MSI2: variants seen among roughly 807,000 people sequenced by gnomAD.
MSI2 encodes the protein musashi RNA binding protein 2.
In MSI2, 17 loss-of-function variants were observed where a neutral mutation model predicts 45.6. The observed-to-expected ratio is 0.37, with a 90% CI of 0.26 to 0.56. The LOEUF (loss-of-function observed/expected upper bound fraction) is 0.56. MSI2 is among the 20% of genes least tolerant of loss of function. The probability of loss-of-function intolerance (pLI) is 0.77; values close to 1 mark genes in which losing one functional copy is unlikely to be tolerated. For synonymous variants in MSI2, 156 were observed against 158.2 expected, an observed-to-expected ratio of 0.99 and a Z score of 0.11; for missense variants, 293 against 444.2, an observed-to-expected ratio of 0.66 and a Z score of 3.06.
At chr17:57,292,742 G>A (rs1160257387) in intron 5 of MSI2, among the ~76,000 whole-genome samples, 1 of 152,278 alleles carries the variant, frequency 6.6e-6, no homozygotes, top group Admixed American at 6.5e-5. Context: ...AAAGTGTTAG[G>A]AGGGAAAGGA....
chr17:57,370,810 A>G (rs1443583834), intron 5 of MSI2, among the ~76,000 whole-genome samples: 3 of 152,212 alleles, frequency 2.0e-5, no homozygotes, highest in Non-Finnish European at 2.9e-5. Flanking sequence ...GAGGGTCAGG[A>G]TGCACAGATC....
intron 11 of MSI2, among the ~76,000 whole-genome samples, chr17:57,674,133 T>C (rs1913036066): frequency 6.6e-6 from 1 of 150,584 alleles, no homozygotes; most frequent in African/African-American, 2.4e-5. Flanking sequence ...AAGGAAACTC[T>C]CTGCCGCCAT....
intron 6 of MSI2, among the ~76,000 whole-genome samples, chr17:57,414,873 A>G (rs757787213): frequency 6.6e-6 from 1 of 152,190 alleles, no homozygotes; most frequent in Non-Finnish European, 1.5e-5. Flanking sequence ...CTGGTCAGTA[A>G]TGCCCTTTTC....
chr17:57,648,168 TGTGTG>T (rs1910840289), intron 10 of MSI2, among the ~76,000 whole-genome samples: 2 of 149,896 alleles, frequency 1.3e-5, no homozygotes, highest in African/African-American at 5.0e-5. Context: ...TGTGTGTGTG[TGTGTG>T]TGTGTGTGTT....
chr17:57,337,679 T>C (rs2143768516), intron 5 of MSI2, among the ~76,000 whole-genome samples: 1 of 152,312 alleles, frequency 6.6e-6, no homozygotes, highest in East Asian at 1.9e-4. Flanking sequence ...CTTCTTCACA[T>C]CATGAATTGG....
At chr17:57,274,020 C>T (rs1908638298) in intron 5 of MSI2, among the ~76,000 whole-genome samples, 2 of 152,192 alleles carry the variant, frequency 1.3e-5, no homozygotes, top group African/African-American at 2.4e-5. Flanking sequence ...GAGACCTGCT[C>T]CTGGGGCCTT....
intron 8 of MSI2, among the ~76,000 whole-genome samples, chr17:57,599,601 G>C (rs1331331640): frequency 6.6e-6 from 1 of 152,208 alleles, no homozygotes; most frequent in Non-Finnish European, 1.5e-5. Context: ...GTTTGCCTTT[G>C]AATCTGGGGC....
chr17:57,377,688 A>T (rs538959163), intron 5 of MSI2, among the ~76,000 whole-genome samples: 8 of 149,064 alleles, frequency 5.4e-5, no homozygotes, highest in African/African-American at 7.4e-5. Context: ...TCATTACTTT[A>T]AAAAAAAAAG....
rs57142800 is a variant in MSI2, at chr17:57,502,602, GATATATATATATATAT to G, written c.406-27054_406-27039del. ...CAGGGAATGGAGAAGATGACTCTGA[GATATATATATATATAT>G]ATATATATATATATATATAGTCATC... On this transcript the variant is annotated intron_variant, in intron 6 of 13. Transcript: ENST00000284073. Among the ~76,000 whole-genome samples the G allele has an allele frequency of 5.2e-3, 283 of 54,422 alleles. 16 individuals carry two copies. Among genetic ancestry groups the G allele is most frequent in the African/African-American group, 0.014 (249 of 17,390 alleles). 35.7% of individuals were successfully genotyped at this position (54,422 alleles called of 152,430 possible).
chr17:57,604,840 C>T (rs11653409), intron 8 of MSI2, among the ~76,000 whole-genome samples: 33,283 of 151,080 alleles, frequency 0.22, 3,723 homozygotes, highest in South Asian at 0.34. Context: ...GCTTCTGGGC[C>T]CTGCCACCTG....
In MSI2 at chr17:57,438,202, A is replaced by C. The variant is rs537459310; in HGVS notation, c.405+36731A>C. Among the ~76,000 whole-genome samples, 20 of 152,216 alleles carry C rather than the reference A, an allele frequency of 1.3e-4. No homozygotes were observed. The South Asian group carries it at 3.9e-3, about 30-fold the overall frequency. On this transcript the variant is annotated intron_variant, in intron 6 of 13. Transcript: ENST00000284073. ...TGGCTGGGGACGTGCCCAGAGGAGT[A>C]GGGTGTGCGGAAGGCAGGATGGGGT...
intron 7 of MSI2, among the ~76,000 whole-genome samples, chr17:57,574,063 C>T (rs1467055002): frequency 6.6e-6 from 1 of 152,044 alleles, no homozygotes; most frequent in Non-Finnish European, 1.5e-5. Context: ...GTAGCTCTAC[C>T]CCTCCCTCCC....
chr17:57,293,622 T>C (rs1910663576), intron 5 of MSI2, among the ~76,000 whole-genome samples: 1 of 151,520 alleles, frequency 6.6e-6, no homozygotes, highest in South Asian at 2.1e-4. Flanking sequence ...TTTTTGTTTT[T>C]TTTGAGATGG....
chr17:57,444,119 G>A lies in MSI2; in HGVS notation c.405+42648G>A, dbSNP rs573856981. On this transcript the variant is annotated intron_variant, in intron 6 of 13. Coordinates refer to ENST00000284073, the MANE Select transcript of MSI2 (RefSeq NM_138962.4). ...CCAAACCCTTTTTTAGAAAGGACTC[G>A]AGAGGCCTTTTAGGGTCAAGATTAC... Among the ~76,000 whole-genome samples the A allele has an allele frequency of 1.6e-3, 242 of 152,270 alleles. 1 individual carries two copies. Among genetic ancestry groups the A allele is most frequent in the Admixed American group, 2.4e-3 (36 of 15,292 alleles).
At chr17:57,358,753 CA>C (rs1423194780) in intron 5 of MSI2, among the ~76,000 whole-genome samples, 1 of 152,138 alleles carries the variant, frequency 6.6e-6, no homozygotes, top group East Asian at 1.9e-4. Flanking sequence ...ATTTTCATTG[CA>C]CTTCTAACAG....
intron 5 of MSI2, among the ~76,000 whole-genome samples, chr17:57,335,732 C>T (rs774195919): frequency 2.0e-5 from 3 of 152,052 alleles, no homozygotes; most frequent in Non-Finnish European, 2.9e-5. Context: ...CGGGGTGAAA[C>T]GGGGAGTGTT....
At chr17:57,609,209 G>A (rs1239254001) in intron 8 of MSI2, among the ~76,000 whole-genome samples, 1 of 152,204 alleles carries the variant, frequency 6.6e-6, no homozygotes, top group African/African-American at 2.4e-5. Context: ...ACCTGGCTGG[G>A]GAAGAGGTCA....
Position 57,401,411 on chromosome 17 carries a change from C to T in MSI2, c.345C>T (p.Gly115=), listed in dbSNP as rs375931489. The change falls in exon 6 of 14, where the codon GGC becomes GGT. Residue 115 remains glycine, a synonymous_variant. Coordinates refer to ENST00000284073, the MANE Select transcript of MSI2 (RefSeq NM_138962.4). ...CAAGAACAAAGAAAATATTTGTAGG[C>T]GGGTTATCTGCGAACACAGTAGTGG... is the stretch of plus-strand genomic sequence containing the variant. ...MVTRTKKIFV[G]GLSANTVVED... 26 of 1,614,066 alleles carry T rather than the reference C, an allele frequency of 1.6e-5. No homozygotes were observed. Among genetic ancestry groups the T allele is most frequent in the South Asian group, 1.2e-4 (11 of 91,074 alleles).
intron 7 of MSI2, among the ~76,000 whole-genome samples, chr17:57,550,536 G>A (rs535177532): frequency 6.6e-6 from 1 of 152,300 alleles, no homozygotes; most frequent in Admixed American, 6.5e-5. Context: ...AGAACACGAT[G>A]TCTCTTTTAC....
Sources: gnomAD v4.1 joint callset for allele counts (sites outside exome capture counted in the v4.1 genomes callset) on GRCh38, gnomAD v4.1.1 for gene constraint, MANE v1.5 for transcripts, NCBI Gene and HGNC (gene_info 2026-07-23, HGNC 2026-07-21) for gene names.